FOXP2: variants seen among roughly 807,000 people sequenced by gnomAD.
FOXP2 encodes the protein forkhead box protein P2.
Under a neutral mutation model 115.8 loss-of-function variants are expected in FOXP2, and 12 were observed. That is an observed-to-expected ratio of 0.10 (90% CI 0.07 to 0.17). The LOEUF (loss-of-function observed/expected upper bound fraction) is 0.17. Among genes scored for constraint, FOXP2 ranks in the 10% least tolerant of loss-of-function variants. The pLI is 1.00. For missense variants in FOXP2, 629 were observed against 843.5 expected, an observed-to-expected ratio of 0.75 and a Z score of 3.15; for synonymous variants, 328 against 297.7, an observed-to-expected ratio of 1.10 and a Z score of -1.05.
At chr7:114,107,398 C>T (rs1791147420) in intron 1 of FOXP2, among the ~76,000 whole-genome samples, 1 of 151,930 alleles carries the variant, frequency 6.6e-6, no homozygotes, top group Non-Finnish European at 1.5e-5. Context: ...ATACTATTGA[C>T]TACCATTTTA....
chr7:114,314,312 T>C (rs1797220643), intron 2 of FOXP2, among the ~76,000 whole-genome samples: 1 of 151,366 alleles, frequency 6.6e-6, no homozygotes, highest in Non-Finnish European at 1.5e-5. Flanking sequence ...TGTTGACAGA[T>C]ATAACTGTAA....
At chr7:114,271,509 A>C (rs140262534) in intron 1 of FOXP2, among the ~76,000 whole-genome samples, 5,131 of 131,800 alleles carry the variant, frequency 0.039, 246 homozygotes, top group African/African-American at 0.12. Context: ...TATATTAATA[A>C]TATAATATTA....
At chr7:114,285,393 T>C (rs1796442852) in intron 1 of FOXP2, 1 of 152,186 alleles carries the variant, frequency 6.6e-6, no homozygotes, top group South Asian at 2.1e-4. Flanking sequence ...TTGCTATTTC[T>C]TCATTTATCA....
chr7:114,262,074 C>CA (rs999725514), intron 1 of FOXP2, among the ~76,000 whole-genome samples: 9 of 151,216 alleles, frequency 6.0e-5, no homozygotes, highest in Admixed American at 2.0e-4. Flanking sequence ...CAAAACAAAA[C>CA]AAAAAAAATG....
chr7:114,147,828 G>A (rs1388890500), intron 1 of FOXP2, among the ~76,000 whole-genome samples: 1 of 152,124 alleles, frequency 6.6e-6, no homozygotes, highest in African/African-American at 2.4e-5. Flanking sequence ...GTATTTGGGA[G>A]CAGTGGAAAC....
At chr7:114,246,761 G>A (rs868443718) in intron 1 of FOXP2, among the ~76,000 whole-genome samples, 3 of 152,104 alleles carry the variant, frequency 2.0e-5, no homozygotes, top group Middle Eastern at 3.2e-3. Flanking sequence ...CTTTTTGCAA[G>A]ATGCCTTTTA....
chr7:114,167,312 T>A (rs562594924), intron 1 of FOXP2, among the ~76,000 whole-genome samples: 1 of 152,236 alleles, frequency 6.6e-6, no homozygotes, highest in Non-Finnish European at 1.5e-5. Context: ...TATGTACTGC[T>A]AAGTGATTGA....
At chr7:114,628,952 G>A in intron 4 of FOXP2, 1 of 385,102 alleles carries the variant, frequency 2.6e-6, no homozygotes, top group Non-Finnish European at 4.8e-6. Flanking sequence ...AAATGCTTAG[G>A]TACATTCAAT....
intron 3 of FOXP2, among the ~76,000 whole-genome samples, chr7:114,585,743 T>C (rs918649092): frequency 6.6e-6 from 1 of 152,104 alleles, no homozygotes; most frequent in Non-Finnish European, 1.5e-5. Flanking sequence ...GACATGCACC[T>C]GTGGTCCCAG....
intron 3 of FOXP2, chr7:114,561,517 T>C (rs1315515323): frequency 6.6e-6 from 1 of 152,208 alleles, no homozygotes; most frequent in Non-Finnish European, 1.5e-5. Context: ...CTGTCTAAAC[T>C]ACTCTTTTAA....
At chr7:114,102,931 A>T (rs1791025203) in intron 1 of FOXP2, among the ~76,000 whole-genome samples, 1 of 152,082 alleles carries the variant, frequency 6.6e-6, no homozygotes, top group South Asian at 2.1e-4. Context: ...TCTCAGAGAT[A>T]AGAAATTATC....
At chr7:114,158,064 G>A (rs751036812), upstream of FOXP2, among the ~76,000 whole-genome samples, 5 of 152,056 alleles carry the variant, frequency 3.3e-5, no homozygotes, top group Non-Finnish European at 7.4e-5. Flanking sequence ...GAATATTCAA[G>A]TGAAGATACT....
intron 8 of FOXP2, 117 bp downstream of exon 8, chr7:114,644,906 C>A: frequency 1.3e-6 from 1 of 781,590 alleles, no homozygotes; most frequent in South Asian, 1.6e-5. Flanking sequence ...ATAAGTCATA[C>A]TTCAAGATTT....
At chr7:114,409,148 G>C (rs1330296627) in intron 2 of FOXP2, among the ~76,000 whole-genome samples, 1 of 152,034 alleles carries the variant, frequency 6.6e-6, no homozygotes, top group Non-Finnish European at 1.5e-5. Context: ...ACACTTTTTA[G>C]TCTTTTTGGC....
At chr7:114,443,731 T>G (rs982319963) in intron 2 of FOXP2, among the ~76,000 whole-genome samples, 1 of 152,162 alleles carries the variant, frequency 6.6e-6, no homozygotes, top group Admixed American at 6.6e-5. Context: ...GTTCCACCCA[T>G]GTTGCTGCAG....
chr7:114,656,476 T>A, intron 10 of FOXP2: 1 of 453,164 alleles, frequency 2.2e-6, no homozygotes, highest in Non-Finnish European at 4.4e-6. Context: ...CATATGGATG[T>A]TTCTGCGTTT....
intron 2 of FOXP2, among the ~76,000 whole-genome samples, chr7:114,521,767 G>A (rs1054897278): frequency 2.7e-5 from 4 of 145,554 alleles, no homozygotes; most frequent in Non-Finnish European, 6.0e-5. Context: ...TTGATGAAAA[G>A]AAATATTATG....
chr7:114,531,752 G>C (rs1366404023), intron 2 of FOXP2, among the ~76,000 whole-genome samples: 2 of 152,068 alleles, frequency 1.3e-5, no homozygotes, highest in Admixed American at 6.6e-5. Flanking sequence ...ATACTTTAAA[G>C]TAGAAGCATT....
chr7:114,439,297 T>A (rs994512992), intron 2 of FOXP2, among the ~76,000 whole-genome samples: 18 of 152,170 alleles, frequency 1.2e-4, no homozygotes, highest in Non-Finnish European at 2.5e-4. Flanking sequence ...TATTTCAGTC[T>A]TATTTTATGA....
Sources: allele counts gnomAD v4.1 joint callset (sites outside exome capture counted in the v4.1 genomes callset), GRCh38; gene constraint gnomAD v4.1.1; transcripts MANE v1.5; gene names NCBI Gene and HGNC (gene_info 2026-07-23, HGNC 2026-07-21).